The following WDFY4 variants were observed in gnomAD, a reference collection of about 807,000 sequenced individuals.
WDFY4 encodes the protein WDFY family member 4.
In WDFY4, 169 loss-of-function variants were observed where a neutral mutation model predicts 351.9. The observed-to-expected ratio is 0.48, with a 90% CI of 0.42 to 0.55. The LOEUF (loss-of-function observed/expected upper bound fraction) is 0.55. Among genes scored for constraint, WDFY4 ranks in the 20% least tolerant of loss-of-function variants. The pLI is 0.00. For synonymous variants in WDFY4, 1,622 were observed against 1,574.6 expected, an observed-to-expected ratio of 1.03 and a Z score of -0.71; for missense variants, 3,803 against 3,935.6, an observed-to-expected ratio of 0.97 and a Z score of 0.90.
intron 39 of WDFY4, among the ~76,000 whole-genome samples, chr10:48,848,363 C>T (rs2068846694): frequency 6.6e-6 from 1 of 152,222 alleles, no homozygotes; most frequent in African/African-American, 2.4e-5. Context: ...ATATGTCAGC[C>T]TTCTGAGGAG....
intron 4 of WDFY4, 41 bp downstream of exon 4, chr10:48,721,408 A>C: frequency 1.3e-6 from 2 of 1,531,500 alleles, no homozygotes; most frequent in Non-Finnish European, 1.8e-6. Flanking sequence ...GGCACTGCTC[A>C]TCTAGGTGCA....
Position 48,733,976 on chromosome 10 carries a change from T to C in WDFY4, c.1628T>C (p.Leu543Pro). The change falls in exon 10 of 62, where the codon CTC becomes CCC. Residue 543 changes from leucine to proline, a missense_variant. Around this residue, in one of 3 missense-constraint regions of WDFY4, gnomAD observed 261 missense variants for 330.2 expected, o/e 0.79. Coordinates refer to ENST00000325239, the MANE Select transcript of WDFY4 (RefSeq NM_001394531.1). ...TPGVQDPERE[L>P]TCVMLRIVVT... ...GGTGTTCAGGATCCAGAAAGAGAAC[T>C]CACCTGTGTGATGCTGAGGATTGTA... 1 of 1,551,864 alleles carries C rather than the reference T, an allele frequency of 6.4e-7. No individual in the cohort carries two copies. Among genetic ancestry groups the C allele is most frequent in the Non-Finnish European group, 8.7e-7 (1 of 1,147,036 alleles).
intron 39 of WDFY4, among the ~76,000 whole-genome samples, chr10:48,852,712 GC>G: frequency 6.6e-6 from 1 of 152,204 alleles, no homozygotes; most frequent in South Asian, 2.1e-4. Context: ...CCATCTTCAA[GC>G]CCTCCCTACA....
intron 43 of WDFY4, among the ~76,000 whole-genome samples, chr10:48,885,754 GTAGA>G (rs975328028): frequency 5.3e-5 from 8 of 151,750 alleles, no homozygotes; most frequent in Middle Eastern, 3.4e-3. Flanking sequence ...AGATAGATAG[GTAGA>G]TAGATAGATA....
intron 19 of WDFY4, among the ~76,000 whole-genome samples, chr10:48,780,999 T>C (rs189040773): frequency 0.051 from 7,748 of 152,220 alleles, 290 homozygotes; most frequent in Middle Eastern, 0.16. Context: ...GGATTCCCCC[T>C]AAATGCCATA....
At chr10:48,895,075 T>G (rs572519407) in intron 44 of WDFY4, among the ~76,000 whole-genome samples, 125 of 152,344 alleles carry the variant, frequency 8.2e-4, no homozygotes, top group Non-Finnish European at 1.6e-3. Context: ...GAGAAGGGTC[T>G]GCAGAGAGCC....
At chr10:48,698,817 T>C (rs1478488956) in intron 1 of WDFY4, among the ~76,000 whole-genome samples, 2 of 152,036 alleles carry the variant, frequency 1.3e-5, no homozygotes, top group East Asian at 3.9e-4. Context: ...AACAGAACAA[T>C]AGGATGTGTG....
chr10:48,910,432 T>C (rs1837893726), intron 47 of WDFY4, among the ~76,000 whole-genome samples: 1 of 152,202 alleles, frequency 6.6e-6, no homozygotes, highest in Admixed American at 6.5e-5. Flanking sequence ...AAGGCTTTCC[T>C]ATGAAGTATT....
intron 19 of WDFY4, among the ~76,000 whole-genome samples, chr10:48,784,450 A>G (rs1412444088): frequency 1.4e-5 from 2 of 141,304 alleles, no homozygotes; most frequent in Non-Finnish European, 3.0e-5. Flanking sequence ...TCACCTTTTC[A>G]TGTGCTTATT....
chr10:48,871,357 A>G (rs914501961), intron 40 of WDFY4, among the ~76,000 whole-genome samples: 3 of 152,232 alleles, frequency 2.0e-5, no homozygotes, highest in East Asian at 1.9e-4. Context: ...TGTCACTACA[A>G]TCTCCAGGGA....
At chr10:48,792,950 C>T (rs937510607) in intron 23 of WDFY4, among the ~76,000 whole-genome samples, 1 of 152,122 alleles carries the variant, frequency 6.6e-6, no homozygotes, top group African/African-American at 2.4e-5. Flanking sequence ...AACTATCTAC[C>T]ACAGAGGTAC....
intron 43 of WDFY4, among the ~76,000 whole-genome samples, chr10:48,886,442 GAGA>G (rs2070457989): frequency 6.6e-6 from 1 of 152,202 alleles, no homozygotes; most frequent in African/African-American, 2.4e-5. Flanking sequence ...ATTAGGCCAT[GAGA>G]GCATGACCCT....
At chr10:48,980,650 G>T (rs941521074) in intron 60 of WDFY4, among the ~76,000 whole-genome samples, 6 of 152,114 alleles carry the variant, frequency 3.9e-5, no homozygotes, top group Non-Finnish European at 7.3e-5. Context: ...CTTTGAGGTG[G>T]TTTCTCCCAC....
At position 48,760,877 on chromosome 10, in the gene WDFY4, G is replaced by A. The variant is rs537964316; in HGVS notation, c.2553+437G>A. Reference sequence around the variant, plus strand: ...ATGCACAGCTAGCAAGATGAGCATAGACACTGTCCACAGAGCCCGCCTCTA... The same window carrying A: ...ATGCACAGCTAGCAAGATGAGCATAAACACTGTCCACAGAGCCCGCCTCTA... On this transcript the variant is annotated intron_variant, in intron 13 of 61. Transcript: ENST00000325239. Among the ~76,000 whole-genome samples, 6 of 152,290 alleles carry A rather than the reference G, an allele frequency of 3.9e-5. No homozygotes were observed. The East Asian group carries it at 1.2e-3, about 29-fold the overall frequency.
chr10:48,974,916 A>G lies in WDFY4; in HGVS notation c.8983A>G (p.Ser2995Gly), dbSNP rs867971540. The G allele has an allele frequency of 1.3e-6, 2 of 1,551,480 alleles. No homozygotes were observed. The highest frequency in any genetic ancestry group is 1.4e-5 in the African/African-American group (1 of 73,146). Residue 2995 changes from serine (S) to glycine (G), a missense_variant, in exon 58 of 62, where the codon AGC (serine) becomes GGC (glycine). Ser to Gly is a moderately conservative substitution (Grantham distance 56). Coordinates refer to ENST00000325239, the MANE Select transcript of WDFY4 (RefSeq NM_001394531.1). ...GTGCCTGGCAGCGTCAGTCACCTTCAGCCTCCTGGTGAGCGGCTCCCAGGA... is the reference window on the plus strand; with the variant it reads ...GTGCCTGGCAGCGTCAGTCACCTTCGGCCTCCTGGTGAGCGGCTCCCAGGA... Reference protein sequence around the residue: ...VTCLAASVTFSLLVSGSQDCT... With the variant: ...VTCLAASVTFGLLVSGSQDCT...
intron 13 of WDFY4, among the ~76,000 whole-genome samples, chr10:48,760,695 A>G (rs548122276): frequency 1.3e-5 from 2 of 152,312 alleles, no homozygotes; most frequent in South Asian, 4.1e-4. Context: ...AACAACAGCC[A>G]AACAAAAAAA....
rs781506527 is a variant in WDFY4, at chr10:48,807,892, T to A, written c.4772T>A (p.Leu1591His). 17 of 1,551,536 alleles carry A rather than the reference T, an allele frequency of 1.1e-5. No homozygotes were observed. In the South Asian group the frequency reaches 2.0e-4, roughly 18 times the overall value. Residue 1591 changes from leucine (L) to histidine (H), a missense_variant, in exon 28 of 62, where the codon CTC becomes CAC. By Grantham distance (99) the Leu-to-His change is moderately conservative. Coordinates refer to ENST00000325239, the MANE Select transcript of WDFY4 (RefSeq NM_001394531.1). ...CAAACATCTGGAAAGACAATCTGGC[T>A]CAGAAACCAGTTGCTGGAGATGCTG... ...GSQTSGKTIWLRNQLLEMLLS... is the reference protein window; with the variant it reads ...GSQTSGKTIWHRNQLLEMLLS...
chr10:48,825,900 A>G (rs190114369), intron 35 of WDFY4, among the ~76,000 whole-genome samples: 3 of 152,160 alleles, frequency 2.0e-5, no homozygotes, highest in Admixed American at 6.5e-5. Context: ...CTCCTACTCT[A>G]TAGGTTACCT....
At position 48,861,116 on chromosome 10, in the gene WDFY4, C is replaced by A. The variant is rs113863457; in HGVS notation, c.6664-6149C>A. On this transcript the variant is annotated intron_variant, in intron 39 of 61. Transcript: ENST00000325239. ...TAGTTGTTGCTCTAGGTATTACTCT[C>A]CATTTATAATGTAATAGTTTTAAAT... is the stretch of plus-strand genomic sequence containing the variant. Among the ~76,000 whole-genome samples the A allele has an allele frequency of 7.5e-4, 114 of 152,116 alleles. 1 individual carries two copies. Among genetic ancestry groups the A allele is most frequent in the African/African-American group, 2.6e-3 (108 of 41,504 alleles).
Sources: allele counts gnomAD v4.1 joint callset (sites outside exome capture counted in the v4.1 genomes callset), GRCh38; gene constraint gnomAD v4.1.1; regional missense constraint gnomAD v4.1.1; transcripts MANE v1.5; gene names NCBI Gene and HGNC (gene_info 2026-07-23, HGNC 2026-07-21).